SIL1: variants seen among roughly 807,000 people sequenced by gnomAD.
SIL1 encodes the protein nucleotide exchange factor SIL1.
A neutral mutation model predicts 49.1 loss-of-function variants in SIL1; 40 were observed. The ratio of observed to expected loss-of-function variants is 0.81; its 90% CI spans 0.63 to 1.06. The LOEUF is 1.06. SIL1 is among the 50% of genes least tolerant of loss of function. The probability of loss-of-function intolerance (pLI) is 0.00; values close to 1 mark genes in which losing one functional copy is unlikely to be tolerated. For synonymous variants in SIL1, 253 were observed against 250.8 expected, an observed-to-expected ratio of 1.01 and a Z score of -0.08; for missense variants, 500 against 572.6, an observed-to-expected ratio of 0.87 and a Z score of 1.29.
intron 1 of SIL1, among the ~76,000 whole-genome samples, chr5:139,171,733 A>C (rs1191660883): frequency 8.1e-5 from 12 of 147,980 alleles, no homozygotes; most frequent in African/African-American, 2.9e-4. Context: ...AAAAAAGAAA[A>C]AAAAAGAAAA....
chr5:139,087,587 G>A (rs1644049969), intron 3 of SIL1, among the ~76,000 whole-genome samples: 1 of 152,060 alleles, frequency 6.6e-6, no homozygotes, highest in Non-Finnish European at 1.5e-5. Context: ...TACAGTCCTG[G>A]CTCCCTGAGG....
intron 1 of SIL1, among the ~76,000 whole-genome samples, chr5:139,164,320 G>A (rs1751575957): frequency 6.6e-6 from 1 of 151,918 alleles, no homozygotes; most frequent in South Asian, 2.1e-4. Flanking sequence ...TCACAAGAGG[G>A]AAGAGAAAAA....
In SIL1 at chr5:138,964,994, A is replaced by G. The variant is rs375358265; in HGVS notation, c.768-13110T>C. Among the ~76,000 whole-genome samples the G allele has an allele frequency of 1.3e-3, 191 of 152,348 alleles. 1 individual carries two copies. The highest frequency in any genetic ancestry group is 4.4e-3 in the African/African-American group (182 of 41,598). On this transcript the variant is annotated intron_variant, in intron 7 of 9. Coordinates refer to ENST00000394817, the MANE Select transcript of SIL1 (RefSeq NM_022464.5). ...GTGGGGAAGCTGAGCCCAGGGGCCC[A>G]CCAGGGGCTGAGGGTGACGCTGGGA...
intron 3 of SIL1, among the ~76,000 whole-genome samples, chr5:139,087,417 G>A (rs1770246357): frequency 6.6e-6 from 1 of 152,034 alleles, no homozygotes; most frequent in Non-Finnish European, 1.5e-5. Flanking sequence ...ACCAAGACAG[G>A]CCTATAATCC....
At chr5:139,122,079 G>A (rs887462228) in intron 2 of SIL1, among the ~76,000 whole-genome samples, 2 of 152,032 alleles carry the variant, frequency 1.3e-5, no homozygotes, top group Non-Finnish European at 2.9e-5. Context: ...ATTAGCACAT[G>A]GGGAGGTATT....
chr5:139,000,123 T>A (rs1440590433), intron 7 of SIL1, among the ~76,000 whole-genome samples: 2 of 152,190 alleles, frequency 1.3e-5, no homozygotes, highest in Non-Finnish European at 2.9e-5. Context: ...GCCTTTATTA[T>A]TATGAGGTAT....
intron 3 of SIL1, among the ~76,000 whole-genome samples, chr5:139,117,479 C>A (rs1771018284): frequency 6.6e-6 from 1 of 152,122 alleles, no homozygotes; most frequent in Non-Finnish European, 1.5e-5. Flanking sequence ...GGTGCAGGAG[C>A]CCATTGAAGT....
intron 1 of SIL1, among the ~76,000 whole-genome samples, chr5:139,141,914 T>C (rs1751087298): frequency 6.6e-6 from 1 of 152,212 alleles, no homozygotes; most frequent in South Asian, 2.1e-4. Context: ...ATCTCCTGAA[T>C]GGCTCAGAGG....
chr5:138,957,398 C>T (rs563361180), intron 7 of SIL1, among the ~76,000 whole-genome samples: 1 of 149,702 alleles, frequency 6.7e-6, no homozygotes, highest in South Asian at 2.1e-4. Context: ...TGGTAAAATC[C>T]CCGTCTCTGC....
At chr5:139,131,067 C>G (rs10057201) in intron 1 of SIL1, among the ~76,000 whole-genome samples, 33,096 of 152,008 alleles carry the variant, frequency 0.22, 6,292 homozygotes, top group African/African-American at 0.52. Context: ...AAAACTTAAT[C>G]CAAATTAGCA....
chr5:139,141,950 G>A (rs1032567497), intron 1 of SIL1, among the ~76,000 whole-genome samples: 1 of 152,160 alleles, frequency 6.6e-6, no homozygotes, highest in African/African-American at 2.4e-5. Flanking sequence ...GCAAACCCAA[G>A]ATCAGACCAT....
chr5:139,154,452 TG>T (rs1459233155), intron 1 of SIL1, among the ~76,000 whole-genome samples: 1 of 152,224 alleles, frequency 6.6e-6, no homozygotes, highest in Non-Finnish European at 1.5e-5. Context: ...TATCCAGCCA[TG>T]TGCTCATTTA....
chr5:139,096,870 G>A (rs2151779797), intron 3 of SIL1, among the ~76,000 whole-genome samples: 1 of 152,072 alleles, frequency 6.6e-6, no homozygotes, highest in East Asian at 2.0e-4. Context: ...GGTGGGTAGA[G>A]CACCAAGCAG....
chr5:139,125,313 T>G (rs553195033), intron 2 of SIL1, among the ~76,000 whole-genome samples: 2 of 152,342 alleles, frequency 1.3e-5, no homozygotes, highest in East Asian at 3.9e-4. Flanking sequence ...TCCTCTCAAG[T>G]GACTGGCAAG....
intron 2 of SIL1, among the ~76,000 whole-genome samples, chr5:139,122,462 G>A (rs751817184): frequency 2.0e-5 from 3 of 152,030 alleles, no homozygotes; most frequent in Non-Finnish European, 2.9e-5. Context: ...AGGTGTGGTG[G>A]TGTATGTCTG....
In SIL1 at chr5:139,169,476, ATTTTT is replaced by A. The variant is rs70982754; in HGVS notation, c.-11+28788_-11+28792del. Among the ~76,000 whole-genome samples, 34 of 139,628 alleles carry A rather than the reference ATTTTT, an allele frequency of 2.4e-4. 1 individual carries two copies. Among genetic ancestry groups the A allele is most frequent in the African/African-American group, 8.8e-4 (33 of 37,308 alleles). 91.6% of individuals were successfully genotyped at this position (139,628 alleles called of 152,430 possible). ...TGTATGTGTGTGTGTATATAGATAG[ATTTTT>A]TTTTTTTTTTTTTGAGACAGAGTCT... On this transcript the variant is annotated intron_variant, in intron 1 of 9. Coordinates refer to ENST00000394817, the MANE Select transcript of SIL1 (RefSeq NM_022464.5).
At chr5:139,102,244 T>C (rs1462910872) in intron 3 of SIL1, among the ~76,000 whole-genome samples, 2 of 152,230 alleles carry the variant, frequency 1.3e-5, no homozygotes, top group African/African-American at 2.4e-5. Flanking sequence ...TTTATACCTA[T>C]ATGCTGGAGG....
intron 7 of SIL1, among the ~76,000 whole-genome samples, chr5:138,966,515 GT>G (rs1444904843): frequency 1.3e-5 from 2 of 152,062 alleles, no homozygotes; most frequent in Non-Finnish European, 2.9e-5. Context: ...GTGTAGGGGG[GT>G]GGTGACTTTC....
At chr5:139,123,722 T>G (rs1750700347) in intron 2 of SIL1, among the ~76,000 whole-genome samples, 1 of 151,512 alleles carries the variant, frequency 6.6e-6, no homozygotes, top group African/African-American at 2.4e-5. Flanking sequence ...CAATAGGGAG[T>G]GGTGGGACTG....
Sources: allele counts gnomAD v4.1 joint callset (sites outside exome capture counted in the v4.1 genomes callset), GRCh38; gene constraint gnomAD v4.1.1; transcripts MANE v1.5; gene names NCBI Gene and HGNC (gene_info 2026-07-23, HGNC 2026-07-21).